The following WWP2 variants were observed in gnomAD, a reference collection of about 807,000 sequenced individuals.
WWP2 encodes the protein WW domain containing E3 ubiquitin protein ligase 2, also known as NEDD4-like E3 ubiquitin-protein ligase WWP2.
WWP2 carries 57 observed loss-of-function variants against 121.0 expected under a neutral mutation model. That is an observed-to-expected ratio of 0.47 (90% CI 0.38 to 0.59). The LOEUF (loss-of-function observed/expected upper bound fraction) is 0.59. Ranked by LOEUF, WWP2 falls within the 20% of genes least tolerant of loss-of-function variation. The pLI is 0.00. For missense variants in WWP2, 962 were observed against 1,158.9 expected, an observed-to-expected ratio of 0.83 and a Z score of 2.47; for synonymous variants, 449 against 441.3, an observed-to-expected ratio of 1.02 and a Z score of -0.22.
chr16:69,929,983 G>A (rs79839225), intron 12 of WWP2, 147 bp from the exon 13 acceptor site: 15,606 of 1,240,230 alleles, frequency 0.013, 128 homozygotes, highest in Non-Finnish European at 0.016. Flanking sequence ...CTGTTCTCAC[G>A]ACTTGGGTCA....
At chr16:69,863,992 T>C (rs1181914849) in intron 6 of WWP2, among the ~76,000 whole-genome samples, 1 of 152,200 alleles carries the variant, frequency 6.6e-6, no homozygotes, top group African/African-American at 2.4e-5. Context: ...TTACAGTATT[T>C]GGCGCTTACA....
intron 9 of WWP2, 69 bp downstream of exon 9, chr16:69,908,919 A>G (rs1261478410): frequency 6.2e-7 from 1 of 1,610,056 alleles, no homozygotes; most frequent in African/African-American, 1.3e-5. Flanking sequence ...GGCTTCTTGA[A>G]ACGGTCCCTT....
Position 69,844,083 on chromosome 16 carries a change from G to T in WWP2, c.575+1963G>T, listed in dbSNP as rs192033471. Among the ~76,000 whole-genome samples the T allele has an allele frequency of 7.2e-4, 109 of 152,174 alleles. No homozygotes were observed. The Middle Eastern group carries it at 0.024, about 33-fold the overall frequency. ...AGATGGACGTTTGGATCTTTTTTCC[G>T]TACCTTTATTAGAAGCAGAGATGCC... On this transcript the variant is annotated intron_variant, in intron 6 of 23. Coordinates refer to ENST00000359154, the MANE Select transcript of WWP2 (RefSeq NM_001270454.2).
chr16:69,854,536 C>CTT (rs1191218313), intron 6 of WWP2, among the ~76,000 whole-genome samples: 1 of 145,928 alleles, frequency 6.9e-6, no homozygotes, highest in African/African-American at 2.6e-5. Context: ...TGTATGTAGG[C>CTT]TTTTCTTTTT....
At position 69,865,687 on chromosome 16, in the gene WWP2, A is replaced by G. The variant is rs9928560; in HGVS notation, c.576-6117A>G. Among the ~76,000 whole-genome samples, 332 of 152,364 alleles carry G rather than the reference A, an allele frequency of 2.2e-3. 3 individuals carry two copies. The highest frequency in any genetic ancestry group is 7.3e-3 in the African/African-American group (303 of 41,598). ...ATATTTATGAAGGGGACACACATGCATGTGTCATAAACTAACACGTTTGTT... is the reference window on the plus strand; with the variant it reads ...ATATTTATGAAGGGGACACACATGCGTGTGTCATAAACTAACACGTTTGTT... On this transcript the variant is annotated intron_variant, in intron 6 of 23. Transcript: ENST00000359154.
intron 8 of WWP2, among the ~76,000 whole-genome samples, chr16:69,899,197 C>T (rs993338855): frequency 1.3e-5 from 2 of 152,110 alleles, no homozygotes; most frequent in South Asian, 2.1e-4. Flanking sequence ...TAAAATTCTT[C>T]CCTACTCCTA....
At chr16:69,790,700 C>T (rs2055891367) in intron 2 of WWP2, among the ~76,000 whole-genome samples, 1 of 151,994 alleles carries the variant, frequency 6.6e-6, no homozygotes, top group Admixed American at 6.6e-5. Flanking sequence ...CTCAGCCTCC[C>T]AAGGAGCTGG....
At chr16:69,775,675 T>C (rs982436110) in intron 1 of WWP2, among the ~76,000 whole-genome samples, 9 of 152,176 alleles carry the variant, frequency 5.9e-5, no homozygotes, top group African/African-American at 1.9e-4. Flanking sequence ...GCTTTATTTC[T>C]TTTTCACACT....
chr16:69,903,778 AAAAG>A (rs1452966999), intron 8 of WWP2, among the ~76,000 whole-genome samples: 7 of 151,958 alleles, frequency 4.6e-5, no homozygotes, highest in African/African-American at 7.3e-5. Flanking sequence ...AAAAAAAAAA[AAAAG>A]AAAGAAAGAA....
At chr16:69,883,874 G>A (rs2057875496) in intron 7 of WWP2, among the ~76,000 whole-genome samples, 1 of 152,192 alleles carries the variant, frequency 6.6e-6, no homozygotes, top group Non-Finnish European at 1.5e-5. Flanking sequence ...AGTCAGATCC[G>A]AGTAGTGTTG....
intron 1 of WWP2, among the ~76,000 whole-genome samples, chr16:69,784,372 A>T (rs1204530213): frequency 2.0e-5 from 3 of 152,054 alleles, no homozygotes; most frequent in Non-Finnish European, 4.4e-5. Context: ...AGCGCTGGGA[A>T]TACAGGCGTG....
chr16:69,814,448 A>G (rs992027040), intron 4 of WWP2, among the ~76,000 whole-genome samples: 2 of 40,262 alleles, frequency 5.0e-5, no homozygotes, highest in South Asian at 7.1e-4. Context: ...ACTCAACACT[A>G]TTTATAAATA....
chr16:69,798,784 A>G lies in WWP2; in HGVS notation c.173A>G (p.Lys58Arg), dbSNP rs751241119. ...GLPSETKKTGKRIGSSELLWN... is the reference protein window; with the variant it reads ...GLPSETKKTGRRIGSSELLWN... ...CCCAGTGAGACCAAGAAGACTGGGA[A>G]GCGCATTGGGAGCTCTGAGCTTCTC... Residue 58 changes from lysine to arginine, a missense_variant, in exon 3 of 24, where the codon AAG becomes AGG. Around this residue, in one of 3 missense-constraint regions of WWP2, gnomAD observed 145 missense variants for 189.8 expected, o/e 0.76. Transcript: ENST00000359154. 5 of 1,613,394 alleles carry G rather than the reference A, an allele frequency of 3.1e-6. No homozygotes were observed. In the Admixed American group the frequency reaches 8.3e-5, roughly 27 times the overall value.
chr16:69,834,539 T>G (rs1204565731), intron 4 of WWP2, among the ~76,000 whole-genome samples: 3 of 151,384 alleles, frequency 2.0e-5, no homozygotes, highest in African/African-American at 7.3e-5. Flanking sequence ...TAGTTTTTTT[T>G]TTTTTGAGAC....
intron 7 of WWP2, 71 bp downstream of exon 7, chr16:69,872,002 G>A (rs1200875179): frequency 1.3e-5 from 20 of 1,537,518 alleles, no homozygotes; most frequent in Non-Finnish European, 1.8e-5. Context: ...GTGGACACGG[G>A]ATCCTGCCCA....
At chr16:69,916,021 AGAGT>A (rs1158015610) in intron 9 of WWP2, among the ~76,000 whole-genome samples, 8 of 146,756 alleles carry the variant, frequency 5.5e-5, no homozygotes, top group African/African-American at 2.0e-4. Flanking sequence ...CTGGACTAAC[AGAGT>A]GAGACCCTGT....
In WWP2 at chr16:69,917,962, C is replaced by T. The variant is rs886130060; in HGVS notation, c.1179+79C>T. On this transcript the variant is annotated intron_variant, in intron 10 of 23. Transcript: ENST00000359154. ...TGTGCAGCCACGTGTTCTCTGTTGA[C>T]CTGCTTAGTGAGCAGGGAAAACAGC... The T allele has an allele frequency of 8.5e-6, 13 of 1,526,064 alleles. No individual in the cohort carries two copies. In the African/African-American group the frequency reaches 1.4e-4, roughly 16 times the overall value. The allele number at this position is 1,526,064 out of a possible 1,614,324, so 94.5% of individuals were successfully genotyped here.
At chr16:69,856,797 T>TA (rs1475186559) in intron 6 of WWP2, among the ~76,000 whole-genome samples, 1 of 151,164 alleles carries the variant, frequency 6.6e-6, no homozygotes, top group Non-Finnish European at 1.5e-5. Context: ...AAAAAAAAAA[T>TA]ACAACAACAA....
intron 10 of WWP2, among the ~76,000 whole-genome samples, chr16:69,918,721 A>G (rs971417424): frequency 1.3e-5 from 2 of 152,074 alleles, no homozygotes; most frequent in Non-Finnish European, 2.9e-5. Context: ...CTTCCAATCC[A>G]TCTGGCCTGT....
Sources: gnomAD v4.1 joint callset for allele counts (sites outside exome capture counted in the v4.1 genomes callset) on GRCh38, gnomAD v4.1.1 for gene constraint, gnomAD v4.1.1 regional missense constraint, MANE v1.5 for transcripts, NCBI Gene and HGNC (gene_info 2026-07-23, HGNC 2026-07-21) for gene names.